Variants in BIRC2 observed in about 807,000 individuals in gnomAD.
BIRC2 encodes the protein baculoviral IAP repeat-containing protein 2.
A neutral mutation model predicts 60.9 loss-of-function variants in BIRC2; 18 were observed. The observed-to-expected ratio is 0.30, with a 90% CI of 0.20 to 0.44. BIRC2 has a LOEUF of 0.44. Ranked by LOEUF, BIRC2 falls within the 20% of genes least tolerant of loss-of-function variation. The pLI is 1.00. For missense variants in BIRC2, 701 were observed against 728.5 expected (o/e 0.96, Z 0.43); for synonymous variants, 282 against 247.7 (o/e 1.14, Z -1.30).
chr11:102,362,842 G>C, intron 3 of BIRC2, 54 bp from the exon 4 acceptor site: 1 of 1,364,092 alleles, frequency 7.3e-7, no homozygotes. Flanking sequence ...AGAATGATCA[G>C]GTTATATTTG....
chr11:102,364,622 A>G (rs550159566), intron 5 of BIRC2, among the ~76,000 whole-genome samples: 13 of 152,324 alleles, frequency 8.5e-5, no homozygotes, highest in East Asian at 7.7e-4. Context: ...TTATGTGCCA[A>G]TCACATCTAC....
At chr11:102,352,128 T>G (rs920277917) in intron 3 of BIRC2, among the ~76,000 whole-genome samples, 1 of 151,916 alleles carries the variant, frequency 6.6e-6, no homozygotes, top group Non-Finnish European at 1.5e-5. Context: ...GTTTTGTTTT[T>G]TTTGAGACGG....
intron 3 of BIRC2, among the ~76,000 whole-genome samples, chr11:102,361,823 C>T (rs188790256): frequency 6.9e-6 from 1 of 145,410 alleles, no homozygotes; most frequent in East Asian, 2.1e-4. Context: ...GCAGTCCTTT[C>T]TGTGTGGTTA....
rs60766578 is a variant in BIRC2, at chr11:102,353,679, CTTTTTTT to C, written c.995+2754_995+2760del. Among the ~76,000 whole-genome samples, 104 of 86,068 alleles carry C rather than the reference CTTTTTTT, an allele frequency of 1.2e-3. 1 individual carries two copies. Among genetic ancestry groups the C allele is most frequent in the East Asian group, 3.3e-3 (9 of 2,698 alleles). 56.5% of individuals were successfully genotyped at this position (86,068 alleles called of 152,430 possible). A position where few individuals can be genotyped will look rare whatever the true frequency, so the allele number is the denominator to read the frequency against. On this transcript the variant is annotated intron_variant, in intron 3 of 8. Coordinates refer to ENST00000227758, the MANE Select transcript of BIRC2 (RefSeq NM_001166.5). ...ATCCATCACCTTATGTAGTAACTTT[CTTTTTTT>C]TTTTTTTTTTTTTTTTTGGTGAGAA... is the stretch of plus-strand genomic sequence containing the variant.
At chr11:102,366,162 A>G (rs1355450434) in intron 5 of BIRC2, among the ~76,000 whole-genome samples, 1 of 152,098 alleles carries the variant, frequency 6.6e-6, no homozygotes, top group African/African-American at 2.4e-5. Context: ...TTTCTTCCCC[A>G]TTCTTCATCC....
Position 102,350,176 on chromosome 11 carries a change from C to T in BIRC2, c.322C>T (p.Pro108Ser), listed in dbSNP as rs1241655376. Residue 108 changes from proline to serine, a missense_variant, in exon 2 of 9, where the codon CCT (proline) becomes TCT (serine). By Grantham distance (74) the Pro-to-Ser change is moderately conservative (BLOSUM62 -1). Transcript: ENST00000227758. ...TATTCAAAAGCATAAACAGCTATAT[C>T]CTAGCTGTAGCTTTATTCAGAATCT... ...SPIQKHKQLY[P>S]SCSFIQNLVS... 2 of 1,614,136 alleles carry T rather than the reference C, an allele frequency of 1.2e-6. No individual in the cohort carries two copies. Among genetic ancestry groups the T allele is most frequent in the East Asian group, 4.5e-5 (2 of 44,884 alleles).
At chr11:102,364,363 C>T (rs983567471) in intron 5 of BIRC2, among the ~76,000 whole-genome samples, 4 of 151,484 alleles carry the variant, frequency 2.6e-5, no homozygotes, top group African/African-American at 7.3e-5. Context: ...GCCAAATAAG[C>T]GGTGCAAATA....
chr11:102,361,904 A>G (rs988104793), intron 3 of BIRC2, among the ~76,000 whole-genome samples: 2 of 122,716 alleles, frequency 1.6e-5, no homozygotes, highest in South Asian at 2.5e-4. Flanking sequence ...CCAGAGCTGT[A>G]TTTGTGTATA....
chr11:102,351,946 T>C (rs1280975892), intron 3 of BIRC2, among the ~76,000 whole-genome samples: 1 of 152,174 alleles, frequency 6.6e-6, no homozygotes, highest in Non-Finnish European at 1.5e-5. Context: ...AGTGTATAGT[T>C]GTGTGTCATT....
intron 3 of BIRC2, among the ~76,000 whole-genome samples, chr11:102,360,817 TGGGTGA>T (rs150400492): frequency 0.048 from 7,084 of 148,594 alleles, 255 homozygotes; most frequent in Non-Finnish European, 0.077. Flanking sequence ...TCTTTGCCTG[TGGGTGA>T]GGGTGAGGGT....
rs1399189896 is a variant in BIRC2, at chr11:102,347,314, C to A, written c.-1320C>A. 3 of 152,364 alleles carry A rather than the reference C, an allele frequency of 2.0e-5. No individual in the cohort carries two copies. Among genetic ancestry groups the A allele is most frequent in the Non-Finnish European group, 4.4e-5 (3 of 68,122 alleles). The allele number at this position is 152,364 out of a possible 1,614,324, so 9.4% of individuals were successfully genotyped here. A position where few individuals can be genotyped will look rare whatever the true frequency, so the allele number is the denominator to read the frequency against. ...TATCTCCTTGTCGGCGCCGCTGATT[C>A]CCGGCTCTGCGGAGGCCTCTAGGCA... On this transcript the variant is annotated 5_prime_UTR_variant, in exon 1 of 9. Transcript: ENST00000227758.
At chr11:102,359,075 TG>T (rs1384271650) in intron 3 of BIRC2, among the ~76,000 whole-genome samples, 2 of 152,216 alleles carry the variant, frequency 1.3e-5, no homozygotes, top group Non-Finnish European at 2.9e-5. Flanking sequence ...GATGATTTTC[TG>T]TGGTGGTATG....
rs1373891361 is a variant in BIRC2, at chr11:102,364,166, T to C, written c.1123+450T>C. Among the ~76,000 whole-genome samples, 52 of 84,062 alleles carry C rather than the reference T, an allele frequency of 6.2e-4. 1 individual carries two copies. Among genetic ancestry groups the C allele is most frequent in the African/African-American group, 2.2e-3 (38 of 17,016 alleles). 55.1% of individuals were successfully genotyped at this position (84,062 alleles called of 152,430 possible). On this transcript the variant is annotated intron_variant, in intron 5 of 8. Transcript: ENST00000227758. Reference sequence around the variant, plus strand: ...ATATATATATATATATATATATATATATATATATACACACACACACAGAGA... The same window carrying C: ...ATATATATATATATATATATATATACATATATATACACACACACACAGAGA...
intron 3 of BIRC2, among the ~76,000 whole-genome samples, chr11:102,353,484 G>GTTTTTTTTTTTTTTTTTTTTTTTTTT (rs1565331945): frequency 1.3e-5 from 2 of 151,768 alleles, no homozygotes; most frequent in African/African-American, 4.8e-5. Context: ...ACACTCAGTA[G>GTTTTTTTTTTTTTTTTTTTTTTTTTT]TTTTTGTATT....
At chr11:102,374,458 G>A (rs1951678617) in intron 6 of BIRC2, among the ~76,000 whole-genome samples, 1 of 148,996 alleles carries the variant, frequency 6.7e-6, no homozygotes, top group African/African-American at 2.5e-5. Flanking sequence ...CTGCTGGGGG[G>A]TGCCTCCCAG....
Position 102,349,510 on chromosome 11 carries a change from GT to G in BIRC2, c.-343del, listed in dbSNP as rs1486106805. 1 of 172,818 alleles carries G rather than the reference GT, an allele frequency of 5.8e-6. No individual in the cohort carries two copies. The highest frequency in any genetic ancestry group is 1.2e-5 in the Non-Finnish European group (1 of 81,554). The allele number at this position is 172,818 out of a possible 1,614,324, so 10.7% of individuals were successfully genotyped here. On this transcript the variant is annotated 5_prime_UTR_variant, in exon 2 of 9. Transcript: ENST00000227758. ...GTATTCTATAGTTGCTTAGAATTTT[GT>G]TAATATAAATCTCTGTGAAAAATCA...
At chr11:102,347,518 G>C (rs1951306239) in intron 1 of BIRC2, 142 bp downstream of exon 1, 1 of 152,378 alleles carries the variant, frequency 6.6e-6, no homozygotes, top group South Asian at 2.1e-4. Flanking sequence ...GGGTCGCCGG[G>C]GGCTCTCTGC....
At chr11:102,362,297 TGAA>T (rs1951493073) in intron 3 of BIRC2, among the ~76,000 whole-genome samples, 1 of 152,212 alleles carries the variant, frequency 6.6e-6, no homozygotes, top group African/African-American at 2.4e-5. Flanking sequence ...TATCATTTAT[TGAA>T]GAAACAAAAG....
At chr11:102,371,959 G>T (rs1308884785) in intron 6 of BIRC2, among the ~76,000 whole-genome samples, 3 of 152,226 alleles carry the variant, frequency 2.0e-5, no homozygotes, top group African/African-American at 7.2e-5. Context: ...TTGTGTAGAG[G>T]TGTTTGTAGT....
Sources: gnomAD v4.1 joint callset for allele counts (sites outside exome capture counted in the v4.1 genomes callset) on GRCh38, gnomAD v4.1.1 for gene constraint, MANE v1.5 for transcripts, NCBI Gene and HGNC (gene_info 2026-07-23, HGNC 2026-07-21) for gene names.